DGKK: variants seen among roughly 807,000 people sequenced by gnomAD.
The protein encoded by DGKK is diacylglycerol kinase kappa.
Under a neutral mutation model 92.2 loss-of-function variants are expected in DGKK, and 35 were observed. That is an observed-to-expected ratio of 0.38 (90% CI 0.29 to 0.50). DGKK has a LOEUF of 0.50. DGKK is among the 20% of genes least tolerant of loss of function. The probability of loss-of-function intolerance (pLI) is 0.92; values close to 1 mark genes in which losing one functional copy is unlikely to be tolerated. For synonymous variants in DGKK, 368 were observed against 360.6 expected, an observed-to-expected ratio of 1.02 and a Z score of -0.23; for missense variants, 910 against 992.2, an observed-to-expected ratio of 0.92 and a Z score of 1.11.
intron 1 of DGKK, among the ~76,000 whole-genome samples, chrX:50,447,163 G>A (rs1000578023): frequency 2.1e-5 from 2 of 95,335 alleles, no homozygotes; most frequent in South Asian, 1.1e-3. Flanking sequence ...AAATTAAATA[G>A]GGAAGCATGA....
At chrX:50,372,484 G>C (rs1482476466) in intron 25 of DGKK, among the ~76,000 whole-genome samples, 2 of 111,688 alleles carry the variant, frequency 1.8e-5, no homozygotes, top group Admixed American at 9.5e-5. Context: ...GTGAAGCAAG[G>C]AGAGAGCTAG....
chrX:50,377,363 C>T (rs1557223959), intron 22 of DGKK, among the ~76,000 whole-genome samples: 1 of 112,268 alleles, frequency 8.9e-6, no homozygotes, highest in Admixed American at 9.4e-5. Context: ...AGTTGTGTGA[C>T]CATTAGCAAA....
intron 1 of DGKK, among the ~76,000 whole-genome samples, chrX:50,451,522 T>C (rs1424740543): frequency 9.0e-6 from 1 of 111,247 alleles, no homozygotes; most frequent in African/African-American, 3.3e-5. Context: ...CACTGGAAAT[T>C]ATATATTTAT....
intron 1 of DGKK, among the ~76,000 whole-genome samples, chrX:50,431,351 G>C (rs1925882251): frequency 9.0e-6 from 1 of 111,107 alleles, no homozygotes. Flanking sequence ...ATAAGGCTTT[G>C]GGGAATTATT....
At chrX:50,407,849 C>T (rs1261340594) in intron 4 of DGKK, among the ~76,000 whole-genome samples, 2 of 112,295 alleles carry the variant, frequency 1.8e-5, no homozygotes, top group Non-Finnish European at 3.8e-5. Context: ...CACCTGGCTC[C>T]GATTAACCAC....
chrX:50,419,165 T>A (rs1925509831), intron 4 of DGKK, among the ~76,000 whole-genome samples: 1 of 111,590 alleles, frequency 9.0e-6, no homozygotes, highest in Admixed American at 9.5e-5. Flanking sequence ...CTAAATCATA[T>A]AAAGATCACC....
chrX:50,394,364 A>G (rs1924783286), intron 8 of DGKK, among the ~76,000 whole-genome samples: 1 of 111,365 alleles, frequency 9.0e-6, no homozygotes, highest in Admixed American at 9.5e-5. Context: ...GGTTTCCCCT[A>G]TGGGCCAATT....
At chrX:50,446,710 T>G (rs1557231905) in intron 1 of DGKK, among the ~76,000 whole-genome samples, 1 of 111,557 alleles carries the variant, frequency 9.0e-6, no homozygotes, top group Non-Finnish European at 1.9e-5. Context: ...TTTTACAGAG[T>G]AAAAGTTGTA....
intron 27 of DGKK, among the ~76,000 whole-genome samples, chrX:50,370,106 A>G (rs977927290): frequency 8.9e-6 from 1 of 112,422 alleles, no homozygotes; most frequent in African/African-American, 3.2e-5. Context: ...AACAGGAACA[A>G]AAGTGTTTAG....
rs183861318 is a variant in DGKK at position 50,442,830 on chromosome X, G to C, written c.646-18472C>G. 2.7e-3 allele frequency among the ~76,000 whole-genome samples: 304 copies of C among 110,762 alleles called. 2 individuals carry two copies. The highest frequency in any genetic ancestry group is 9.6e-3 in the African/African-American group (293 of 30,482). On this transcript the variant is annotated intron_variant, in intron 1 of 27. Transcript: ENST00000611977. ...CAAAAGCTTGGCTGTGGAAAGGTAT[G>C]CTCCCAATCTCCCTTAGGTTGCTGG...
At chrX:50,439,439 A>G (rs1926115574) in intron 1 of DGKK, among the ~76,000 whole-genome samples, 1 of 111,385 alleles carries the variant, frequency 9.0e-6, no homozygotes, top group Non-Finnish European at 1.9e-5. Context: ...GATCAAGATA[A>G]TGCATTAAAG....
At position 50,375,040 on chromosome X, in the gene DGKK, A is replaced by C; in HGVS notation, c.3432T>G (p.Asp1144Glu). The C allele has an allele frequency of 8.3e-7, 1 of 1,205,577 alleles. No individual in the cohort carries two copies. Among genetic ancestry groups the C allele is most frequent in the East Asian group, 3.0e-5 (1 of 33,753 alleles). The change falls in exon 25 of 28, where the codon GAT becomes GAG. Residue 1144 changes from aspartate (D) to glutamate (E), a missense_variant. Transcript: ENST00000611977. ...TAAGACTAAATGTAACATCTACGGCATCATTTCTGCTTAGAGTCTGAGAGG... is the reference window on the plus strand; with the variant it reads ...TAAGACTAAATGTAACATCTACGGCCTCATTTCTGCTTAGAGTCTGAGAGG... ...CIPIETLSRNDAVDVTFSLKG... is the reference protein window; with the variant it reads ...CIPIETLSRNEAVDVTFSLKG...
At chrX:50,435,265 T>C (rs782764217) in intron 1 of DGKK, among the ~76,000 whole-genome samples, 1 of 112,535 alleles carries the variant, frequency 8.9e-6, no homozygotes, top group South Asian at 3.7e-4. Flanking sequence ...TCAATTTTGG[T>C]GATTTCTGTG....
chrX:50,376,196 T>G, intron 23 of DGKK, 31 bp from the exon 24 acceptor site: 1 of 1,201,118 alleles, frequency 8.3e-7, no homozygotes, highest in South Asian at 1.8e-5. Flanking sequence ...ATAGATGAGT[T>G]GGGATTTCTG....
rs1330367506 is a variant in DGKK at position 50,386,434 on chromosome X, C to G, written c.2271G>C (p.Lys757Asn). The G allele has an allele frequency of 1.7e-6, 2 of 1,209,118 alleles. No individual in the cohort carries two copies. Among genetic ancestry groups the G allele is most frequent in the African/African-American group, 3.5e-5 (2 of 56,995 alleles). Residue 757 changes from lysine (K) to asparagine (N), a missense_variant, in exon 15 of 28, where the codon AAG (lysine) becomes AAC (asparagine). Coordinates refer to ENST00000611977, the MANE Select transcript of DGKK (RefSeq NM_001013742.4). ...CCTTTGTAGCCAGCTCCAACTTGCA[C>G]TTGGCTATGTGGTCTATTTGAGGAA... The part of the protein sequence containing the change: ...PFIPQIDHIA[K>N]CKLELATKAQ...
intron 23 of DGKK, among the ~76,000 whole-genome samples, 182 bp downstream of exon 23, chrX:50,376,576 C>T (rs55888835): frequency 8.9e-6 from 1 of 111,959 alleles, no homozygotes; most frequent in Non-Finnish European, 1.9e-5. Context: ...TCTAACCTGG[C>T]TTATTGCTGA....
chrX:50,465,205 G>T (rs1926864275), intron 1 of DGKK, among the ~76,000 whole-genome samples: 1 of 110,894 alleles, frequency 9.0e-6, no homozygotes, highest in Non-Finnish European at 1.9e-5. Flanking sequence ...TTCTTTGGGG[G>T]ATATAAGTTC....
At chrX:50,447,398 T>TATATATATATAATATATATATATTAA (rs1926380449) in intron 1 of DGKK, among the ~76,000 whole-genome samples, 1 of 14,990 alleles carries the variant, frequency 6.7e-5, no homozygotes, top group Non-Finnish European at 8.8e-5. Context: ...ATATATATTA[T>TATATATATATAATATATATATATTAA]ATATATATAT....
chrX:50,411,300 T>G (rs1557227927), intron 4 of DGKK, among the ~76,000 whole-genome samples: 2 of 111,952 alleles, frequency 1.8e-5, no homozygotes, highest in African/African-American at 6.5e-5. Context: ...CAAACACAGA[T>G]GCAAAAATCC....
Sources: allele counts gnomAD v4.1 joint callset (sites outside exome capture counted in the v4.1 genomes callset), GRCh38; gene constraint gnomAD v4.1.1; transcripts MANE v1.5; gene names NCBI Gene and HGNC (gene_info 2026-07-23, HGNC 2026-07-21).